Variants in SI observed in about 807,000 individuals in gnomAD.
The protein encoded by SI is sucrase-isomaltase.
Under a neutral mutation model 253.3 loss-of-function variants are expected in SI, and 235 were observed. The observed-to-expected ratio is 0.93, with a 90% CI of 0.83 to 1.03. SI has a LOEUF of 1.03. Among genes scored for constraint, SI ranks in the 50% least tolerant of loss-of-function variants. The pLI is 0.00. For missense variants in SI, 2,442 were observed against 2,211.1 expected, an observed-to-expected ratio of 1.10 and a Z score of -2.09; for synonymous variants, 819 against 712.0, an observed-to-expected ratio of 1.15 and a Z score of -2.39.
At chr3:165,085,105 T>C in the SI span, among the ~76,000 whole-genome samples, 2 of 152,124 alleles carry the variant, frequency 1.3e-5, no homozygotes, top group Non-Finnish European at 2.9e-5. Flanking sequence ...TTCATAGACC[T>C]GGGTGTTCAC....
intron 45 of SI, among the ~76,000 whole-genome samples, chr3:164,986,046 A>G (rs1035987057): frequency 2.0e-5 from 3 of 152,170 alleles, no homozygotes; most frequent in Non-Finnish European, 2.9e-5. Context: ...AAAAACAAGC[A>G]AACAAGCCAA....
intron 16 of SI, among the ~76,000 whole-genome samples, chr3:165,044,156 A>G (rs189948308): frequency 2.0e-5 from 3 of 152,152 alleles, no homozygotes; most frequent in Admixed American, 2.0e-4. Context: ...CATTTAAGTC[A>G]TTTCATTACA....
In SI at chr3:165,076,667, T is replaced by A. The variant is rs1473070195; in HGVS notation, c.1-655A>T. 5.3e-5 allele frequency among the ~76,000 whole-genome samples: 8 copies of A among 151,786 alleles called. No homozygotes were observed. The East Asian group carries it at 9.7e-4, about 18-fold the overall frequency. ...AGTTCCTTCATCAAACAGCAGCAAA[T>A]GAGATATACAAAACTCTTATATCAA... On this transcript the variant is annotated intron_variant, in intron 1 of 47. Coordinates refer to ENST00000264382, the MANE Select transcript of SI (RefSeq NM_001041.4).
At chr3:165,038,565 A>AT (rs1374484524) in intron 20 of SI, among the ~76,000 whole-genome samples, 3 of 149,758 alleles carry the variant, frequency 2.0e-5, no homozygotes, top group Non-Finnish European at 4.5e-5. Context: ...TTCAAAAAAA[A>AT]AAAATAAATA....
upstream of SI, among the ~76,000 whole-genome samples, chr3:165,082,569 A>G (rs1225684116): frequency 1.3e-5 from 2 of 151,948 alleles, no homozygotes; most frequent in African/African-American, 4.8e-5. Context: ...TTTTCCCTTC[A>G]TAACAATGTG....
rs1287181714 is a variant in SI, at chr3:165,062,411, A to G, written c.980T>C (p.Leu327Pro). 2.5e-6 allele frequency: 4 copies of G among 1,602,254 alleles called. No individual in the cohort carries two copies. The highest frequency in any genetic ancestry group is 1.1e-5 in the South Asian group (1 of 90,854). The change falls in exon 9 of 48, where the codon CTA (leucine) becomes CCA (proline). Residue 327 changes from leucine to proline, a missense_variant. Transcript: ENST00000264382. The part of the protein sequence containing the change: ...TGGILDFYIL[L>P]GDTPEQVVQQ... ...AACTACTTGTTCTGGTGTATCTCCTAGAAGGATGTAAAAATCCAGAATGCC... is the reference window on the plus strand; with the variant it reads ...AACTACTTGTTCTGGTGTATCTCCTGGAAGGATGTAAAAATCCAGAATGCC...
chr3:164,979,359 T>C lies in SI; in HGVS notation c.*3A>G, dbSNP rs1442578573. ...CATTGACAACTAAAATTGATGGTGA[T>C]CTTCATGACCAGTTGATTTCTATTG... On this transcript the variant is annotated 3_prime_UTR_variant, in exon 48 of 48. Transcript: ENST00000264382. The C allele has an allele frequency of 3.8e-6, 6 of 1,565,650 alleles. No homozygotes were observed. The highest frequency in any genetic ancestry group is 2.2e-5 in the East Asian group (1 of 44,488).
the SI span, among the ~76,000 whole-genome samples, chr3:165,086,466 A>G: frequency 6.6e-6 from 1 of 152,156 alleles, no homozygotes; most frequent in Non-Finnish European, 1.5e-5. Context: ...TCTTTCACAA[A>G]TACAGAATTG....
At position 165,074,534 on chromosome 3, in the gene SI, T is replaced by A; in HGVS notation, c.252A>T (p.Thr84=). The change falls in exon 3 of 48, where the codon ACA becomes ACT. Residue 84 remains threonine (T), a synonymous_variant. Transcript: ENST00000264382. ...RINCIPEQFP[T]EGICAQRGCC... Reference sequence around the variant, plus strand: ...ATTAAAGACTTTTGCTGCAGACCTCTGTTGGGAATTGTTCTGGAATGCAGT... The same window carrying A: ...ATTAAAGACTTTTGCTGCAGACCTCAGTTGGGAATTGTTCTGGAATGCAGT... 6.2e-7 allele frequency: 1 copy of A among 1,601,438 alleles called. No individual in the cohort carries two copies. Among genetic ancestry groups the A allele is most frequent in the Non-Finnish European group, 8.5e-7 (1 of 1,172,304 alleles).
At chr3:165,078,584 T>G (rs973009685), upstream of SI, 2 of 151,944 alleles carry the variant, frequency 1.3e-5, no homozygotes, top group African/African-American at 4.8e-5. Flanking sequence ...AATAATCTTC[T>G]GCTCAACATA....
the SI span, among the ~76,000 whole-genome samples, chr3:165,086,263 A>G: frequency 6.6e-6 from 1 of 152,134 alleles, no homozygotes; most frequent in African/African-American, 2.4e-5. Context: ...TCAAAAAAAA[A>G]GAAATCCTAA....
chr3:165,017,500 C>T (rs1474477687), intron 31 of SI, 48 bp downstream of exon 31: 3 of 1,568,554 alleles, frequency 1.9e-6, no homozygotes, highest in East Asian at 2.3e-5. Context: ...TTTCATTCTA[C>T]TTTTACGTAT....
At chr3:165,005,143 T>C (rs757381423) in intron 37 of SI, among the ~76,000 whole-genome samples, 1 of 152,102 alleles carries the variant, frequency 6.6e-6, no homozygotes, top group Non-Finnish European at 1.5e-5. Flanking sequence ...CCTCTTTAAA[T>C]TGCCCAGTCT....
intron 26 of SI, among the ~76,000 whole-genome samples, chr3:165,022,430 A>T: frequency 1.5e-5 from 1 of 68,816 alleles, no homozygotes; most frequent in African/African-American, 3.5e-5. Context: ...GCATATGATT[A>T]AAAACAGACA....
At chr3:165,029,172 T>G (rs1373277517) in intron 25 of SI, among the ~76,000 whole-genome samples, 1 of 150,356 alleles carries the variant, frequency 6.7e-6, no homozygotes, top group East Asian at 2.0e-4. Context: ...AACAAACATA[T>G]GAAAAAATGA....
In SI at chr3:165,016,059, C is replaced by A. The variant is rs149783130; in HGVS notation, c.3781G>T (p.Asp1261Tyr). The A allele has an allele frequency of 3.1e-6, 5 of 1,612,928 alleles. No individual in the cohort carries two copies. Among genetic ancestry groups the A allele is most frequent in the Non-Finnish European group, 4.2e-6 (5 of 1,179,228 alleles). The change falls in exon 32 of 48, where the codon GAC becomes TAC. Residue 1261 changes from aspartate (D) to tyrosine (Y), a missense_variant. Asp to Tyr is a radical substitution (Grantham distance 160). Coordinates refer to ENST00000264382, the MANE Select transcript of SI (RefSeq NM_001041.4). ...AAGTCTAGCTGCCTTTCCATGTAGT[C>A]AATGTCTGTGTACTGAACATCCTGA... ...IPYDVQYTDI[D>Y]YMERQLDFTI...
intron 19 of SI, among the ~76,000 whole-genome samples, chr3:165,039,436 T>C (rs1315150195): frequency 6.6e-6 from 1 of 152,146 alleles, no homozygotes; most frequent in East Asian, 1.9e-4. Flanking sequence ...TTTATTTCTG[T>C]ATACCTCAAT....
intron 21 of SI, among the ~76,000 whole-genome samples, chr3:165,036,864 G>GA (rs997263156): frequency 1.9e-4 from 28 of 147,886 alleles, no homozygotes; most frequent in Admixed American, 2.7e-4. Flanking sequence ...CATCTTATGA[G>GA]AAAAAAAAAT....
At chr3:165,037,051 G>A (rs1487212409) in intron 21 of SI, among the ~76,000 whole-genome samples, 4 of 151,508 alleles carry the variant, frequency 2.6e-5, no homozygotes, top group Non-Finnish European at 5.9e-5. Context: ...TTACCAAAGT[G>A]TTTGTTGCTG....
Sources: gnomAD v4.1 joint callset for allele counts (sites outside exome capture counted in the v4.1 genomes callset) on GRCh38, gnomAD v4.1.1 for gene constraint, MANE v1.5 for transcripts, NCBI Gene and HGNC (gene_info 2026-07-23, HGNC 2026-07-21) for gene names.